DENND2B: variants seen among roughly 807,000 people sequenced by gnomAD.
DENND2B encodes DENN domain containing 2B, also known as DENN domain-containing protein 2B.
Under a neutral mutation model 116.0 loss-of-function variants are expected in DENND2B, and 32 were observed. The observed-to-expected ratio is 0.28, with a 90% CI of 0.21 to 0.37. DENND2B has a LOEUF of 0.37. Among genes scored for constraint, DENND2B ranks in the 10% least tolerant of loss-of-function variants. The pLI is 1.00. For synonymous variants in DENND2B, 588 were observed against 583.9 expected, an observed-to-expected ratio of 1.01 and a Z score of -0.10; for missense variants, 1,276 against 1,477.7, an observed-to-expected ratio of 0.86 and a Z score of 2.24.
In DENND2B at chr11:8,730,440, G is replaced by T; in HGVS notation, c.850C>A (p.Arg284=). The stretch of plus-strand genomic sequence containing the variant: ...AGGACCTGTTCAATTTTCTGGATCC[G>T]GCTCAGCACTGCTGAGCTCTCCTTC... ...SRKESSAVLS[R]IQKIEQVLKE... Residue 284 remains arginine, a synonymous_variant, in exon 3 of 20, where the codon CGG becomes AGG. Transcript: ENST00000313726. The surrounding 1 kb of genome is among the most constrained non-coding windows in gnomAD (Gnocchi z 4.1). 6.2e-7 allele frequency: 1 copy of T among 1,609,918 alleles called. No individual in the cohort carries two copies.
At chr11:8,710,785 ACACACAC>A in intron 11 of DENND2B, 53 bp downstream of exon 11, 1 of 1,450,918 alleles carries the variant, frequency 6.9e-7, no homozygotes. Flanking sequence ...ACACACACAC[ACACACAC>A]ACCCTGGCCT....
chr11:8,809,140 G>A (rs1454818665), intron 1 of DENND2B: 1 of 152,202 alleles, frequency 6.6e-6, no homozygotes, highest in South Asian at 2.1e-4. Flanking sequence ...GTAGCAAGAG[G>A]AATAACTTCA....
rs529583067 is a variant in DENND2B at position 8,841,765 on chromosome 11, A to G, written c.-155-2415T>C. On this transcript the variant is annotated intron_variant, in intron 3 of 6. Coordinates refer to the DENND2B transcript ENST00000524757. ...GACCCACTTCTTCCGAACCACCACC[A>G]TGGACTACATGACATGGCACAAAAT... Among the ~76,000 whole-genome samples, 48 of 152,352 alleles carry G rather than the reference A, an allele frequency of 3.2e-4. No homozygotes were observed. In the South Asian group the frequency reaches 9.9e-3, roughly 32 times the overall value.
At chr11:8,831,598 G>C (rs921386888) in intron 4 of DENND2B, 7 of 152,326 alleles carry the variant, frequency 4.6e-5, no homozygotes, top group Non-Finnish European at 7.3e-5. Context: ...GGGGTGGCTT[G>C]CTCCCGTAAT....
intron 14 of DENND2B, among the ~76,000 whole-genome samples, chr11:8,701,910 C>CTAAACCA (rs1565636644): frequency 6.6e-6 from 1 of 152,084 alleles, no homozygotes; most frequent in African/African-American, 2.4e-5. Flanking sequence ...CTTACTCCTC[C>CTAAACCA]TAAACCAGCT....
chr11:8,797,317 T>C (rs573419267), intron 1 of DENND2B, among the ~76,000 whole-genome samples: 2 of 152,314 alleles, frequency 1.3e-5, no homozygotes, highest in South Asian at 4.1e-4. Context: ...AATTTAAAAA[T>C]ACATAGTGCT....
chr11:8,731,231 G>A (rs2048081087), intron 2 of DENND2B, 22 bp from the exon 3 acceptor site: 1 of 1,461,924 alleles, frequency 6.8e-7, no homozygotes, highest in South Asian at 1.5e-5. Context: ...ACAAAACAAA[G>A]GAAAAGAAAA....
chr11:8,698,395 C>T (rs2040844364), intron 16 of DENND2B, among the ~76,000 whole-genome samples: 2 of 152,134 alleles, frequency 1.3e-5, no homozygotes, highest in South Asian at 4.1e-4. Flanking sequence ...CCAGGGAGTC[C>T]TCAGCTCCGT....
In DENND2B at chr11:8,711,246, G is replaced by A. The variant is rs781022656; in HGVS notation, c.2173-15C>T. The A allele has an allele frequency of 4.3e-6, 7 of 1,612,170 alleles. No homozygotes were observed. The Admixed American group carries it at 1.2e-4, about 27-fold the overall frequency. ...GGTCGGTCCAGCTGCAGGGAAGAAG[G>A]AACCAGGAGATGACATGGAACCTGA... On this transcript the variant is annotated splice_polypyrimidine_tract_variant and intron_variant, in intron 9 of 19. Transcript: ENST00000313726.
intron 7 of DENND2B, 95 bp from the exon 8 acceptor site, chr11:8,714,137 C>A (rs1270407539): frequency 2.4e-6 from 3 of 1,258,176 alleles, no homozygotes; most frequent in South Asian, 2.4e-5. Flanking sequence ...GGGGATGGAT[C>A]TCTACCTTCT....
At chr11:8,774,603 G>A (rs957873795) in intron 1 of DENND2B, among the ~76,000 whole-genome samples, 10 of 152,242 alleles carry the variant, frequency 6.6e-5, no homozygotes, top group Admixed American at 6.5e-4. Flanking sequence ...TCCTGGCTGT[G>A]CCCTGCTCCC....
intron 1 of DENND2B, among the ~76,000 whole-genome samples, chr11:8,910,379 C>A (rs1021015810): frequency 6.6e-6 from 1 of 151,626 alleles, no homozygotes; most frequent in Non-Finnish European, 1.5e-5. Flanking sequence ...GCGCGGGAGG[C>A]ACTTGCCTTA....
intron 4 of DENND2B, among the ~76,000 whole-genome samples, chr11:8,828,625 C>T (rs2062070390): frequency 6.6e-6 from 1 of 152,080 alleles, no homozygotes; most frequent in South Asian, 2.1e-4. Context: ...GGACCGAGCA[C>T]TCTTTTAATA....
intron 2 of DENND2B, among the ~76,000 whole-genome samples, chr11:8,748,905 C>G (rs2051811740): frequency 6.6e-6 from 1 of 151,980 alleles, no homozygotes; most frequent in Non-Finnish European, 1.5e-5. Context: ...TCCCACCCCT[C>G]TACCCCATTC....
intron 14 of DENND2B, among the ~76,000 whole-genome samples, chr11:8,699,669 T>A (rs2041138890): frequency 6.6e-6 from 1 of 152,126 alleles, no homozygotes; most frequent in Non-Finnish European, 1.5e-5. Flanking sequence ...AAAAGGGCTG[T>A]CTCGGGTTTG....
intron 3 of DENND2B, among the ~76,000 whole-genome samples, chr11:8,842,622 G>C (rs2134620437): frequency 6.6e-6 from 1 of 152,254 alleles, no homozygotes; most frequent in Middle Eastern, 3.4e-3. Flanking sequence ...CTCTATCACT[G>C]TGCTAAACAA....
chr11:8,738,274 C>A (rs1432332365), intron 2 of DENND2B, among the ~76,000 whole-genome samples: 1 of 152,228 alleles, frequency 6.6e-6, no homozygotes, highest in African/African-American at 2.4e-5. Context: ...CAGTTGATCA[C>A]TCCCTGTTTC....
intron 3 of DENND2B, among the ~76,000 whole-genome samples, chr11:8,846,434 C>A (rs1157005692): frequency 1.3e-5 from 2 of 152,160 alleles, no homozygotes; most frequent in Non-Finnish European, 2.9e-5. Context: ...AAAGCAGCGC[C>A]CAGGCTGAAG....
At chr11:8,868,189 C>T (rs1009907500) in intron 2 of DENND2B, among the ~76,000 whole-genome samples, 2 of 152,206 alleles carry the variant, frequency 1.3e-5, no homozygotes, top group Admixed American at 6.5e-5. Flanking sequence ...CCAAGCTACT[C>T]GCTGCAGGGT....
Sources: allele counts gnomAD v4.1 joint callset (sites outside exome capture counted in the v4.1 genomes callset), GRCh38; gene constraint gnomAD v4.1.1; non-coding constraint Gnocchi (gnomAD v3.1); transcripts MANE v1.5; gene names NCBI Gene and HGNC (gene_info 2026-07-23, HGNC 2026-07-21).